The following KLKB1 variants were observed in gnomAD, a reference collection of about 807,000 sequenced individuals.
KLKB1 encodes the protein plasma kallikrein.
Under a neutral mutation model 73.6 loss-of-function variants are expected in KLKB1, and 58 were observed. The ratio of observed to expected loss-of-function variants is 0.79; its 90% CI spans 0.64 to 0.98. The LOEUF is 0.98. Ranked by LOEUF, KLKB1 falls within the 50% of genes least tolerant of loss-of-function variation. KLKB1 has a pLI of 0.00. For missense variants in KLKB1, 737 were observed against 763.8 expected, an observed-to-expected ratio of 0.96 and a Z score of 0.41; for synonymous variants, 280 against 258.1, an observed-to-expected ratio of 1.08 and a Z score of -0.81.
chr4:186,246,044 A>G (rs950710051), intron 6 of KLKB1, among the ~76,000 whole-genome samples: 1 of 151,864 alleles, frequency 6.6e-6, no homozygotes, highest in South Asian at 2.1e-4. Context: ...AATCTTGACT[A>G]TGCCTTTAGC....
Position 186,251,280 on chromosome 4 carries a change from A to G in KLKB1, c.820A>G (p.Asn274Asp), listed in dbSNP as rs763736980. Residue 274 changes from asparagine to aspartate, a missense_variant, in exon 8 of 15, where the codon AAC becomes GAC. Transcript: ENST00000264690. ...ACCAAGTTCCTCTACTCCTCAAGAA[A>G]ACACCATATCTGGATATAGCCTTTT... The part of the protein sequence containing the change: ...GTPSSSTPQE[N>D]TISGYSLLTC... The G allele has an allele frequency of 1.6e-5, 26 of 1,612,360 alleles. No individual in the cohort carries two copies. Among genetic ancestry groups the G allele is most frequent in the Non-Finnish European group, 2.0e-5 (24 of 1,178,592 alleles).
chr4:186,251,232 C>T lies in KLKB1; in HGVS notation c.772C>T (p.Leu258Phe), dbSNP rs146650319. Residue 258 changes from leucine (L) to phenylalanine (F), a missense_variant, in exon 8 of 15, where the codon CTT becomes TTT. Transcript: ENST00000264690. Reference protein sequence around the residue: ...KIESQRNVCLLKTSESGTPSS... With the variant: ...KIESQRNVCLFKTSESGTPSS... The stretch of plus-strand genomic sequence containing the variant: ...TAAAAAAAATAGAAATGTTTGTCTT[C>T]TTAAAACATCTGAAAGTGGCACACC... 5.7e-4 allele frequency: 916 copies of T among 1,600,364 alleles called. 3 individuals are homozygous for T. The highest frequency in any genetic ancestry group is 2.3e-3 in the Middle Eastern group (14 of 6,040).
intron 2 of KLKB1, among the ~76,000 whole-genome samples, chr4:186,213,648 G>T (rs145076026): frequency 6.6e-6 from 1 of 152,184 alleles, no homozygotes; most frequent in Non-Finnish European, 1.5e-5. Flanking sequence ...GGCATCACTG[G>T]TCCCAGGGAT....
At chr4:186,224,596 A>G (rs1047623685), upstream of KLKB1, among the ~76,000 whole-genome samples, 3 of 152,230 alleles carry the variant, frequency 2.0e-5, no homozygotes, top group Non-Finnish European at 4.4e-5. Context: ...CCCATTTGGA[A>G]TGGGAACATT....
At position 186,256,636 on chromosome 4, in the gene KLKB1, T is replaced by C. The variant is rs4253386; in HGVS notation, c.1585+549T>C. 5.8e-3 allele frequency among the ~76,000 whole-genome samples: 885 copies of C among 152,326 alleles called. 16 individuals are homozygous for C. The highest frequency in any genetic ancestry group is 5.4e-3 in the Non-Finnish European group (366 of 68,024). ...ATTTAAAGTAATCTTCACTAAGCCA[T>C]GAAAGCTCCCAACATTGTTCTCCAT... On this transcript the variant is annotated intron_variant, in intron 13 of 14. Coordinates refer to ENST00000264690, the MANE Select transcript of KLKB1 (RefSeq NM_000892.5).
chr4:186,228,317 C>A lies in KLKB1; in HGVS notation c.58+64C>A, dbSNP rs1281359376. The A allele has an allele frequency of 1.1e-5, 11 of 1,006,726 alleles. No homozygotes were observed. In the East Asian group the frequency reaches 2.6e-4, roughly 24 times the overall value. 62.4% of individuals were successfully genotyped at this position (1,006,726 alleles called of 1,614,324 possible). The stretch of plus-strand genomic sequence containing the variant: ...GACAGGAGTAGCCAAGCAAGTGGCA[C>A]CACCCCTGGAGAAAGCTATTGAACA... On this transcript the variant is annotated intron_variant, in intron 2 of 14. Coordinates refer to ENST00000264690, the MANE Select transcript of KLKB1 (RefSeq NM_000892.5).
At chr4:186,251,095 G>T in intron 7 of KLKB1, 124 bp from the exon 8 acceptor site, 1 of 672,318 alleles carries the variant, frequency 1.5e-6, no homozygotes, top group African/African-American at 1.8e-5. Context: ...TTACTTTGAA[G>T]AGAGTTTCCC....
chr4:186,254,205 T>C (rs1450981334), intron 11 of KLKB1, among the ~76,000 whole-genome samples: 1 of 152,234 alleles, frequency 6.6e-6, no homozygotes, highest in African/African-American at 2.4e-5. Flanking sequence ...AAGATCAGCC[T>C]GACTTCTTGA....
intron 8 of KLKB1, 45 bp downstream of exon 8, chr4:186,251,373 C>CT (rs1738665675): frequency 6.6e-7 from 1 of 1,519,316 alleles, no homozygotes; most frequent in African/African-American, 1.4e-5. Flanking sequence ...TAACCTATTT[C>CT]ATGACTTTTA....
At chr4:186,217,954 T>C (rs925236380) in intron 2 of KLKB1, among the ~76,000 whole-genome samples, 2 of 152,236 alleles carry the variant, frequency 1.3e-5, no homozygotes, top group Non-Finnish European at 2.9e-5. Flanking sequence ...TCAGCCAACC[T>C]TATCTGTAGA....
chr4:186,254,192 T>G (rs72710569), intron 11 of KLKB1, among the ~76,000 whole-genome samples: 1,857 of 152,316 alleles, frequency 0.012, 13 homozygotes, highest in Non-Finnish European at 0.019. Flanking sequence ...AGAAGAGCAT[T>G]AGAAGATCAG....
chr4:186,230,682 C>G (rs1261615825), intron 2 of KLKB1, among the ~76,000 whole-genome samples: 1 of 152,154 alleles, frequency 6.6e-6, no homozygotes, highest in Non-Finnish European at 1.5e-5. Flanking sequence ...TAGTCACTCC[C>G]TTCCCTGACT....
At chr4:186,232,076 TA>T (rs765264091) in intron 2 of KLKB1, 50 bp from the exon 3 acceptor site, 3 of 1,456,916 alleles carry the variant, frequency 2.1e-6, no homozygotes, top group Middle Eastern at 1.8e-4. Flanking sequence ...ATCTTTTTAT[TA>T]AAATTATTAT....
intron 4 of KLKB1, among the ~76,000 whole-genome samples, chr4:186,235,213 G>A (rs891952476): frequency 3.3e-5 from 5 of 152,134 alleles, no homozygotes; most frequent in East Asian, 1.9e-4. Context: ...TAAATTATTC[G>A]AGTAAGTGCT....
upstream of KLKB1, among the ~76,000 whole-genome samples, chr4:186,225,072 A>T (rs1300034791): frequency 1.3e-5 from 2 of 152,170 alleles, no homozygotes; most frequent in Non-Finnish European, 2.9e-5. Flanking sequence ...CGTGATTATA[A>T]GTTTCCTGAG....
chr4:186,234,380 CA>C (rs1464442039), intron 4 of KLKB1, among the ~76,000 whole-genome samples: 1 of 152,198 alleles, frequency 6.6e-6, no homozygotes, highest in Admixed American at 6.5e-5. Context: ...ACATCTCTCT[CA>C]AGTTCACTTG....
chr4:186,239,600 ATAG>A (rs566265931), intron 6 of KLKB1, among the ~76,000 whole-genome samples: 148 of 146,956 alleles, frequency 1.0e-3, no homozygotes, highest in African/African-American at 3.5e-3. Flanking sequence ...TGATACTGTT[ATAG>A]TTATAGGAAA....
At chr4:186,247,987 C>T (rs1318621091) in intron 6 of KLKB1, among the ~76,000 whole-genome samples, 2 of 152,216 alleles carry the variant, frequency 1.3e-5, no homozygotes, top group African/African-American at 2.4e-5. Flanking sequence ...GTGGCTCACG[C>T]CTGTAATCCC....
chr4:186,251,058 C>T, intron 7 of KLKB1, 161 bp from the exon 8 acceptor site: 1 of 610,076 alleles, frequency 1.6e-6, no homozygotes, highest in South Asian at 2.1e-5. Context: ...TTAATCTCTG[C>T]AATTTATTAG....
Sources: allele counts gnomAD v4.1 joint callset (sites outside exome capture counted in the v4.1 genomes callset), GRCh38; gene constraint gnomAD v4.1.1; transcripts MANE v1.5; gene names NCBI Gene and HGNC (gene_info 2026-07-23, HGNC 2026-07-21).